The following CHST15 variants were observed in gnomAD, a reference collection of about 807,000 sequenced individuals.
The protein encoded by CHST15 is B cell RAG associated protein (GALNAC4S-6ST).
In CHST15, 30 loss-of-function variants were observed where a neutral mutation model predicts 53.6. That is an observed-to-expected ratio of 0.56 (90% CI 0.42 to 0.76). The LOEUF (loss-of-function observed/expected upper bound fraction) is 0.76. CHST15 is among the 30% of genes least tolerant of loss of function. The pLI, the probability that CHST15 is intolerant of heterozygous loss-of-function variation, is 0.00. For synonymous variants in CHST15, 296 were observed against 289.8 expected (o/e 1.02, Z -0.22); for missense variants, 627 against 740.5 (o/e 0.85, Z 1.78).
chr10:124,046,119 G>A lies in CHST15; in HGVS notation c.94C>T (p.Gln32Ter). Residue 32 changes from glutamine (Q) to a stop codon, truncating the protein, a stop_gained, in exon 2 of 8, where the codon CAG becomes TAG. Coordinates refer to ENST00000435907, the MANE Select transcript of CHST15 (RefSeq NM_001270764.2). LOFTEE classifies it high-confidence loss of function. ...NCQGGPHHGH[Q>*]ACPTCKGENK... Reference sequence around the variant, plus strand: ...TCTCCTTTGCACGTGGGGCACGCCTGGTGACCGTGATGGGGGCCCCCTTGG... The same window carrying A: ...TCTCCTTTGCACGTGGGGCACGCCTAGTGACCGTGATGGGGGCCCCCTTGG... 6.2e-7 allele frequency: 1 copy of A among 1,614,234 alleles called. No homozygotes were observed. Among genetic ancestry groups the A allele is most frequent in the Non-Finnish European group, 8.5e-7 (1 of 1,180,040 alleles).
chr10:124,035,065 CCA>C (rs1479308834), intron 5 of CHST15, among the ~76,000 whole-genome samples: 1 of 137,264 alleles, frequency 7.3e-6, no homozygotes. Flanking sequence ...TACCCCGGCT[CCA>C]CCCCCTAACA....
chr10:124,044,995 C>T (rs1947910926), intron 2 of CHST15, 76 bp from the exon 3 acceptor site: 2 of 1,000,624 alleles, frequency 2.0e-6, no homozygotes, highest in Middle Eastern at 4.5e-4. Flanking sequence ...CAATGGGAAC[C>T]TGCCCTGAGA....
At chr10:124,048,919 C>T (rs1948094840) in intron 1 of CHST15, among the ~76,000 whole-genome samples, 1 of 152,180 alleles carries the variant, frequency 6.6e-6, no homozygotes, top group Non-Finnish European at 1.5e-5. Context: ...AGCCGACAGT[C>T]TCAACAGAGA....
intron 1 of CHST15, among the ~76,000 whole-genome samples, chr10:124,073,750 C>T (rs1434201039): frequency 6.6e-6 from 1 of 152,240 alleles, no homozygotes; most frequent in Non-Finnish European, 1.5e-5. Context: ...TCAGACGACG[C>T]CCATTTCCTT....
intron 1 of CHST15, among the ~76,000 whole-genome samples, chr10:124,070,797 GAATCC>G: frequency 1.3e-5 from 2 of 152,302 alleles, no homozygotes; most frequent in South Asian, 4.1e-4. Flanking sequence ...GAGGCTTCCA[GAATCC>G]AATGAAGAAG....
chr10:124,054,698 T>C (rs1352171877), intron 1 of CHST15, among the ~76,000 whole-genome samples: 3 of 152,362 alleles, frequency 2.0e-5, no homozygotes, highest in African/African-American at 7.2e-5. Flanking sequence ...TTAACCATTC[T>C]GTGACTAGGT....
chr10:124,057,528 CAAAT>C (rs891646296), intron 1 of CHST15, among the ~76,000 whole-genome samples: 8 of 152,192 alleles, frequency 5.3e-5, no homozygotes, highest in East Asian at 1.9e-4. Flanking sequence ...TTCGTACAGA[CAAAT>C]AAATGAACAG....
chr10:124,035,281 C>A (rs1471085402), intron 5 of CHST15, among the ~76,000 whole-genome samples: 11 of 146,206 alleles, frequency 7.5e-5, no homozygotes, highest in African/African-American at 2.5e-4. Flanking sequence ...AACAGGGACC[C>A]TGGCTCTACC....
intron 5 of CHST15, among the ~76,000 whole-genome samples, chr10:124,034,968 ACCCCCTAATAGGGACCCTGGCTCTAC>A (rs1947398458): frequency 1.2e-5 from 1 of 81,840 alleles, no homozygotes; most frequent in East Asian, 4.9e-4. Context: ...CCCTGGCTCT[ACCCCCTAATAGGGACCCTGGCTCTAC>A]CCCCTAATAG....
chr10:124,055,357 GA>G (rs1948340797), intron 1 of CHST15, among the ~76,000 whole-genome samples: 1 of 152,098 alleles, frequency 6.6e-6, no homozygotes, highest in African/African-American at 2.4e-5. Flanking sequence ...AGCTCACAAG[GA>G]GGGGGTTGGA....
At chr10:124,038,254 G>GCC (rs1386400621) in intron 5 of CHST15, among the ~76,000 whole-genome samples, 3 of 151,904 alleles carry the variant, frequency 2.0e-5, no homozygotes, top group East Asian at 1.9e-4. Context: ...CTATAGGAGT[G>GCC]TGCCACCACA....
intron 6 of CHST15, among the ~76,000 whole-genome samples, 199 bp from the exon 7 acceptor site, chr10:124,012,679 A>G (rs1381050107): frequency 1.3e-5 from 2 of 152,172 alleles, no homozygotes; most frequent in Admixed American, 6.5e-5. Flanking sequence ...GAATTCCTAT[A>G]TTAGGGGTTG....
In CHST15 at chr10:124,044,575, C is replaced by T; in HGVS notation, c.886+5G>A. On this transcript the variant is annotated splice_donor_5th_base_variant and intron_variant, in intron 3 of 7. Transcript: ENST00000435907. The stretch of plus-strand genomic sequence containing the variant: ...CAGACAGGAGCCCTGGGACCCAGCA[C>T]TCACCAAAGCGCTTCCGGGTCCACC... 6.6e-7 allele frequency: 1 copy of T among 1,509,644 alleles called. No individual in the cohort carries two copies. Among genetic ancestry groups the T allele is most frequent in the South Asian group, 1.3e-5 (1 of 77,178 alleles). The allele number at this position is 1,509,644 out of a possible 1,614,324, so 93.5% of individuals were successfully genotyped here. A position where few individuals can be genotyped will look rare whatever the true frequency, so the allele number is the denominator to read the frequency against.
At chr10:124,086,412 G>A (rs1949426366) in intron 1 of CHST15, among the ~76,000 whole-genome samples, 1 of 152,172 alleles carries the variant, frequency 6.6e-6, no homozygotes, top group African/African-American at 2.4e-5. Context: ...TATACGTGGT[G>A]GTTTCTACAC....
chr10:124,045,128 A>AC (rs1564882144), intron 2 of CHST15, among the ~76,000 whole-genome samples: 77 of 144,864 alleles, frequency 5.3e-4, no homozygotes, highest in African/African-American at 1.9e-3. Context: ...AAAAAAAAAA[A>AC]AAAAAAAAAA....
intron 6 of CHST15, among the ~76,000 whole-genome samples, chr10:124,018,480 T>A (rs116393290): frequency 0.013 from 2,038 of 152,354 alleles, 34 homozygotes; most frequent in African/African-American, 0.043. Flanking sequence ...TATCTCATGG[T>A]CATGCACTGG....
At chr10:124,035,109 C>CGGCTCCGCCCCCTAACAGGGACCCT (rs1947416318) in intron 5 of CHST15, among the ~76,000 whole-genome samples, 2 of 128,694 alleles carry the variant, frequency 1.6e-5, no homozygotes, top group Non-Finnish European at 3.3e-5. Context: ...ACAGGGACCC[C>CGGCTCCGCCCCCTAACAGGGACCCT]GGCTCCGCCC....
At chr10:124,050,192 T>C (rs7902797) in intron 1 of CHST15, among the ~76,000 whole-genome samples, 2 of 152,262 alleles carry the variant, frequency 1.3e-5, no homozygotes, top group African/African-American at 4.8e-5. Flanking sequence ...GTGAAGGCCC[T>C]AGAGCCCGGC....
At chr10:124,083,936 A>C (rs1020689212) in intron 1 of CHST15, among the ~76,000 whole-genome samples, 63 of 152,232 alleles carry the variant, frequency 4.1e-4, no homozygotes, top group Admixed American at 1.1e-3. Context: ...AAGCCTCCGC[A>C]GTTCAACACG....
Sources: allele counts gnomAD v4.1 joint callset (sites outside exome capture counted in the v4.1 genomes callset), GRCh38; gene constraint gnomAD v4.1.1; transcripts MANE v1.5; gene names NCBI Gene and HGNC (gene_info 2026-07-23, HGNC 2026-07-21).